ROBO1: variants seen among roughly 807,000 people sequenced by gnomAD.
ROBO1 encodes roundabout guidance receptor 1, also known as roundabout homolog 1.
In ROBO1, 149 loss-of-function variants were observed where a neutral mutation model predicts 195.9. The ratio of observed to expected loss-of-function variants is 0.76; its 90% confidence interval spans 0.67 to 0.87. The LOEUF is 0.87. Ranked by LOEUF, ROBO1 falls within the 40% of genes least tolerant of loss-of-function variation. The pLI, the probability that ROBO1 is intolerant of heterozygous loss-of-function variation, is 0.00. For synonymous variants in ROBO1, 816 were observed against 733.2 expected, an observed-to-expected ratio of 1.11 and a Z score of -1.82; for missense variants, 1,933 against 2,068.3, an observed-to-expected ratio of 0.93 and a Z score of 1.27.
At chr3:79,464,161 C>T (rs1046328175) in intron 2 of ROBO1, among the ~76,000 whole-genome samples, 2 of 152,100 alleles carry the variant, frequency 1.3e-5, no homozygotes, top group South Asian at 2.1e-4. Context: ...TATATTTGTC[C>T]ATTCACCAGT....
At chr3:79,611,215 G>T (rs537872712) in intron 1 of ROBO1, among the ~76,000 whole-genome samples, 1 of 151,738 alleles carries the variant, frequency 6.6e-6, no homozygotes, top group Non-Finnish European at 1.5e-5. Context: ...AAAATTCCAC[G>T]GTTCTTCAGT....
chr3:79,488,651 A>G (rs931980114), intron 2 of ROBO1, among the ~76,000 whole-genome samples: 1 of 152,196 alleles, frequency 6.6e-6, no homozygotes, highest in African/African-American at 2.4e-5. Flanking sequence ...TTTCAAACTC[A>G]TTAGGAAAAT....
chr3:79,737,667 A>T (rs957283402), intron 1 of ROBO1, among the ~76,000 whole-genome samples: 2 of 151,698 alleles, frequency 1.3e-5, no homozygotes, highest in Non-Finnish European at 2.9e-5. Flanking sequence ...AAAAAAAAAA[A>T]TCCCACCTGT....
intron 14 of ROBO1, among the ~76,000 whole-genome samples, chr3:78,665,714 A>G (rs1350018667): frequency 6.6e-6 from 1 of 152,142 alleles, no homozygotes; most frequent in Non-Finnish European, 1.5e-5. Context: ...TCTTTGTCCA[A>G]TCCCGAGGAA....
At chr3:79,705,263 C>T (rs185418694) in intron 1 of ROBO1, among the ~76,000 whole-genome samples, 1 of 151,976 alleles carries the variant, frequency 6.6e-6, no homozygotes, top group East Asian at 1.9e-4. Context: ...AAGTTACTAC[C>T]AAATCCAAGG....
At chr3:78,834,059 G>A (rs1204895526) in intron 4 of ROBO1, among the ~76,000 whole-genome samples, 6 of 151,948 alleles carry the variant, frequency 3.9e-5, no homozygotes, top group Admixed American at 1.3e-4. Context: ...AATAAAGTAC[G>A]GAGATCCAGT....
intron 1 of ROBO1, among the ~76,000 whole-genome samples, chr3:79,679,995 C>T (rs958633531): frequency 3.3e-5 from 5 of 151,950 alleles, no homozygotes; most frequent in African/African-American, 9.7e-5. Flanking sequence ...GATTATGCTT[C>T]CAATAACCCC....
intron 4 of ROBO1, among the ~76,000 whole-genome samples, chr3:78,863,310 AG>A (rs1453570698): frequency 6.6e-6 from 1 of 152,168 alleles, no homozygotes; most frequent in Non-Finnish European, 1.5e-5. Context: ...GAACTCTATG[AG>A]CCTATGACAT....
chr3:79,259,175 T>G (rs1396299185), intron 2 of ROBO1, among the ~76,000 whole-genome samples: 1 of 152,122 alleles, frequency 6.6e-6, no homozygotes, highest in Non-Finnish European at 1.5e-5. Context: ...GACAGGGTAT[T>G]ATTCCTTCAC....
intron 1 of ROBO1, among the ~76,000 whole-genome samples, chr3:79,764,706 A>G (rs1704892189): frequency 6.6e-6 from 1 of 152,256 alleles, no homozygotes; most frequent in Admixed American, 6.5e-5. Flanking sequence ...ATAGCTAAGC[A>G]CAACACTACT....
intron 28 of ROBO1, 169 bp from the exon 29 acceptor site, chr3:78,607,210 G>A (rs1046345999): frequency 3.1e-6 from 2 of 639,090 alleles, no homozygotes; most frequent in African/African-American, 1.8e-5. Context: ...TAAAATTTAT[G>A]TTTATTTATT....
intron 2 of ROBO1, among the ~76,000 whole-genome samples, chr3:79,470,162 A>G (rs1253384816): frequency 6.6e-6 from 1 of 152,202 alleles, no homozygotes; most frequent in African/African-American, 2.4e-5. Flanking sequence ...AACCAACCCA[A>G]ATGTCCATCT....
At chr3:79,735,472 T>G (rs1031051277) in intron 1 of ROBO1, among the ~76,000 whole-genome samples, 7 of 152,178 alleles carry the variant, frequency 4.6e-5, no homozygotes, top group Admixed American at 3.9e-4. Context: ...TCTCTGTTAT[T>G]TGGAGAAAGT....
At chr3:79,203,118 G>A (rs189244495) in intron 2 of ROBO1, among the ~76,000 whole-genome samples, 1 of 152,230 alleles carries the variant, frequency 6.6e-6, no homozygotes, top group African/African-American at 2.4e-5. Flanking sequence ...TGACAGACTG[G>A]AATATTACCA....
intron 4 of ROBO1, among the ~76,000 whole-genome samples, chr3:78,908,963 A>G (rs2038086315): frequency 1.3e-5 from 2 of 151,944 alleles, no homozygotes; most frequent in African/African-American, 2.4e-5. Context: ...ACTAAAAACA[A>G]CTAGAATGAA....
chr3:79,202,067 C>T lies in ROBO1; in HGVS notation c.89-76528G>A, dbSNP rs1187467233. The stretch of plus-strand genomic sequence containing the variant: ...ACGTCCATTCTTCTGTGAAACCATC[C>T]ATGATCCTTCAAGTCTGGGCGGCAG... On this transcript the variant is annotated intron_variant, in intron 2 of 30. Coordinates refer to ENST00000464233, the MANE Select transcript of ROBO1 (RefSeq NM_002941.4). 2.6e-5 allele frequency among the ~76,000 whole-genome samples: 4 copies of T among 152,008 alleles called. No individual in the cohort carries two copies. In the East Asian group the frequency reaches 7.7e-4, roughly 29 times the overall value.
At chr3:78,747,180 T>C (rs2082678623) in intron 4 of ROBO1, among the ~76,000 whole-genome samples, 1 of 152,170 alleles carries the variant, frequency 6.6e-6, no homozygotes, top group South Asian at 2.1e-4. Context: ...GGCTCATCTT[T>C]AACTTGCATT....
chr3:78,983,394 T>C (rs903942146), intron 3 of ROBO1, among the ~76,000 whole-genome samples: 2 of 152,244 alleles, frequency 1.3e-5, no homozygotes, highest in East Asian at 3.9e-4. Context: ...ACATGCACCA[T>C]ATTTTTCTTC....
At chr3:79,235,828 A>C (rs1279267080) in intron 2 of ROBO1, among the ~76,000 whole-genome samples, 1 of 152,158 alleles carries the variant, frequency 6.6e-6, no homozygotes, top group Non-Finnish European at 1.5e-5. Flanking sequence ...TTAAAAATAC[A>C]AAAAGATTTT....
Sources: gnomAD v4.1 joint callset for allele counts (sites outside exome capture counted in the v4.1 genomes callset) on GRCh38, gnomAD v4.1.1 for gene constraint, MANE v1.5 for transcripts, NCBI Gene and HGNC (gene_info 2026-07-23, HGNC 2026-07-21) for gene names.